DCHS2: variants seen among roughly 807,000 people sequenced by gnomAD.
DCHS2 encodes the protein dachsous cadherin-related 2.
Under a neutral mutation model 182.4 loss-of-function variants are expected in DCHS2, and 142 were observed. The observed-to-expected ratio is 0.78, with a 90% CI of 0.68 to 0.89. DCHS2 has a LOEUF of 0.89. Among genes scored for constraint, DCHS2 ranks in the 40% least tolerant of loss-of-function variants. The pLI is 0.00. For synonymous variants in DCHS2, 1,740 were observed against 1,663.3 expected, an observed-to-expected ratio of 1.05 and a Z score of -1.12; for missense variants, 4,319 against 4,198.6, an observed-to-expected ratio of 1.03 and a Z score of -0.79.
intron 1 of DCHS2, among the ~76,000 whole-genome samples, chr4:154,469,260 A>G (rs115536618): frequency 0.019 from 2,841 of 151,936 alleles, 81 homozygotes; most frequent in African/African-American, 0.063. Context: ...TTACTTTTGG[A>G]TGTCATAAAT....
chr4:154,304,870 G>T lies in DCHS2; in HGVS notation c.5404C>A (p.Arg1802=). The part of the protein sequence containing the change: ...QEVFTLRVLV[R]DGGFPSLSST... ...GACAATGAAGGGAATCCCCCATCTC[G>T]TACTAGTACTGACACAGAACACAAA... The change falls in exon 12 of 20, where the codon CGA becomes AGA. Residue 1802 remains arginine, a synonymous_variant. Coordinates refer to ENST00000357232, the MANE Select transcript of DCHS2 (RefSeq NM_001358235.2). 6.2e-7 allele frequency: 1 copy of T among 1,608,736 alleles called. No homozygotes were observed. The highest frequency in any genetic ancestry group is 8.5e-7 in the Non-Finnish European group (1 of 1,177,780).
intron 1 of DCHS2, among the ~76,000 whole-genome samples, chr4:154,393,091 G>T (rs1444085741): frequency 1.3e-5 from 2 of 152,012 alleles, no homozygotes; most frequent in Non-Finnish European, 2.9e-5. Flanking sequence ...TAAGTAGATG[G>T]ATAATAAAAT....
chr4:154,296,103 T>A (rs1160029977), intron 13 of DCHS2, among the ~76,000 whole-genome samples: 1 of 152,162 alleles, frequency 6.6e-6, no homozygotes, highest in Non-Finnish European at 1.5e-5. Context: ...ATGAAATGCA[T>A]GAAGTTGTGA....
intron 1 of DCHS2, among the ~76,000 whole-genome samples, chr4:154,407,771 A>G (rs1472671381): frequency 6.6e-6 from 1 of 152,146 alleles, no homozygotes; most frequent in Admixed American, 6.5e-5. Flanking sequence ...GTGCTTGCAA[A>G]TATCTGCTTA....
intron 2 of DCHS2, among the ~76,000 whole-genome samples, chr4:154,369,839 T>G (rs954349139): frequency 1.3e-5 from 2 of 152,174 alleles, no homozygotes; most frequent in Non-Finnish European, 2.9e-5. Context: ...CTATAAAAGA[T>G]GAAAGTTGTT....
intron 1 of DCHS2, among the ~76,000 whole-genome samples, chr4:154,463,756 C>T (rs867824056): frequency 6.6e-6 from 1 of 151,714 alleles, no homozygotes; most frequent in Admixed American, 6.6e-5. Flanking sequence ...CTGTCTCTCT[C>T]CCCAAACTAA....
chr4:154,465,604 G>A (rs1184807757), intron 1 of DCHS2, among the ~76,000 whole-genome samples: 1 of 151,978 alleles, frequency 6.6e-6, no homozygotes, highest in Non-Finnish European at 1.5e-5. Flanking sequence ...ATGAGGCGGA[G>A]GCTGCAGTGA....
chr4:154,336,557 C>T (rs1021381), intron 3 of DCHS2, among the ~76,000 whole-genome samples: 86,299 of 151,884 alleles, frequency 0.57, 24,935 homozygotes, highest in Admixed American at 0.65. Context: ...AGTTTCTAGG[C>T]ATTAAAAGGT....
chr4:154,301,101 CT>C (rs1418807029), intron 12 of DCHS2, among the ~76,000 whole-genome samples: 1 of 152,190 alleles, frequency 6.6e-6, no homozygotes, highest in Admixed American at 6.5e-5. Context: ...TATAAGCACT[CT>C]TCTTGCAAAT....
At chr4:154,357,150 T>C (rs762999573) in intron 3 of DCHS2, 1 of 992,288 alleles carries the variant, frequency 1.0e-6, no homozygotes, top group Middle Eastern at 2.1e-4. Context: ...CTTTCTCATA[T>C]AGGTGCTTTC....
chr4:154,298,822 A>G, intron 12 of DCHS2, 114 bp from the exon 13 acceptor site: 3 of 1,383,372 alleles, frequency 2.2e-6, no homozygotes, highest in East Asian at 2.5e-5. Flanking sequence ...ATTCCCGATT[A>G]TATTGTATCC....
intron 1 of DCHS2, among the ~76,000 whole-genome samples, chr4:154,418,241 T>C (rs886657253): frequency 2.6e-5 from 4 of 152,230 alleles, no homozygotes; most frequent in Non-Finnish European, 4.4e-5. Flanking sequence ...ATATTACATA[T>C]GTAGAACCCG....
chr4:154,390,605 G>T (rs60164156), intron 1 of DCHS2, among the ~76,000 whole-genome samples: 1 of 151,530 alleles, frequency 6.6e-6, no homozygotes, highest in African/African-American at 2.4e-5. Flanking sequence ...AAGTTATGAC[G>T]CCTACTTTCC....
rs567139830 is a variant in DCHS2 at position 154,490,744 on chromosome 4, G to A, written c.612C>T (p.Tyr204=). Residue 204 remains tyrosine (Y), a synonymous_variant, in exon 1 of 20, where the codon TAC becomes TAT. Coordinates refer to ENST00000357232, the MANE Select transcript of DCHS2 (RefSeq NM_001358235.2). ...GCAGGTCGGACGGTTGCACCAGGGT[G>A]TAGCCCTGAGTGCTGAACAGTCCGG... ...PDAGLFSTQG[Y]TLVQPSDLPK... The A allele has an allele frequency of 1.4e-5, 21 of 1,551,646 alleles. No homozygotes were observed. In the African/African-American group the frequency reaches 2.7e-4, roughly 20 times the overall value.
At chr4:154,253,800 T>A (rs143904881) in intron 16 of DCHS2, among the ~76,000 whole-genome samples, 1 of 152,222 alleles carries the variant, frequency 6.6e-6, no homozygotes, top group Non-Finnish European at 1.5e-5. Context: ...TAATCCAATA[T>A]AGCCAGTAAG....
intron 13 of DCHS2, among the ~76,000 whole-genome samples, chr4:154,295,641 A>G (rs1452040996): frequency 6.6e-6 from 1 of 152,246 alleles, no homozygotes; most frequent in African/African-American, 2.4e-5. Context: ...AAGTAACTTT[A>G]TGAAATTCAT....
intron 13 of DCHS2, among the ~76,000 whole-genome samples, chr4:154,287,355 G>A (rs1734449906): frequency 6.6e-6 from 1 of 152,098 alleles, no homozygotes; most frequent in African/African-American, 2.4e-5. Flanking sequence ...GTTCTAAGTA[G>A]AAAGACTAAA....
intron 1 of DCHS2, among the ~76,000 whole-genome samples, chr4:154,417,337 G>C (rs973567568): frequency 1.9e-4 from 29 of 151,660 alleles, no homozygotes; most frequent in Admixed American, 1.1e-3. Context: ...ACAGTTTAAT[G>C]TTCAGGATTA....
At chr4:154,411,808 T>C in intron 1 of DCHS2, among the ~76,000 whole-genome samples, 1 of 152,316 alleles carries the variant, frequency 6.6e-6, no homozygotes, top group Middle Eastern at 3.4e-3. Context: ...ATACAGTATA[T>C]GTATCATATA....
Sources: allele counts gnomAD v4.1 joint callset (sites outside exome capture counted in the v4.1 genomes callset), GRCh38; gene constraint gnomAD v4.1.1; transcripts MANE v1.5; gene names NCBI Gene and HGNC (gene_info 2026-07-23, HGNC 2026-07-21).